Variants in RARB observed in about 807,000 individuals in gnomAD.
RARB encodes HBV-activated protein.
In RARB, 17 loss-of-function variants were observed where a neutral mutation model predicts 51.9. The ratio of observed to expected loss-of-function variants is 0.33; its 90% CI spans 0.22 to 0.49. The LOEUF is 0.49. RARB is among the 20% of genes least tolerant of loss of function. The pLI, the probability that RARB is intolerant of heterozygous loss-of-function variation, is 0.99. For synonymous variants in RARB, 215 were observed against 195.4 expected (o/e 1.10, Z -0.84); for missense variants, 369 against 550.8 (o/e 0.67, Z 3.30).
chr3:24,932,512 T>C (rs549640299), intron 2 of RARB, among the ~76,000 whole-genome samples: 1 of 152,296 alleles, frequency 6.6e-6, no homozygotes, highest in South Asian at 2.1e-4. Flanking sequence ...CTCATTAGTG[T>C]ACTCTACATA....
intron 2 of RARB, among the ~76,000 whole-genome samples, chr3:25,500,462 T>TTTG (rs1697252706): frequency 1.1e-5 from 1 of 94,730 alleles, no homozygotes; most frequent in African/African-American, 6.9e-5. Context: ...TTGTTTTTTT[T>TTTG]TTTTTTTTTT....
At chr3:25,509,650 G>A (rs1465189912) in intron 3 of RARB, among the ~76,000 whole-genome samples, 1 of 152,186 alleles carries the variant, frequency 6.6e-6, no homozygotes, top group East Asian at 1.9e-4. Context: ...TGTAATCAGA[G>A]AATGGGAGAG....
In RARB at chr3:24,963,492, G is replaced by GA. The variant is rs1313590161; in HGVS notation, c.-379-96628dup. On this transcript the variant is annotated intron_variant, in intron 2 of 11. Transcript: ENST00000383772. The stretch of plus-strand genomic sequence containing the variant: ...CTTTGGTCTTACTCTCGCCTCCCCT[G>GA]AAAAAGAGATTATTTTCCGTTACAT... 2.7e-5 allele frequency among the ~76,000 whole-genome samples: 4 copies of GA among 148,990 alleles called. No individual in the cohort carries two copies. The East Asian group carries it at 6.0e-4, about 22-fold the overall frequency.
At chr3:25,204,533 G>T (rs1490273072) in intron 5 of RARB, among the ~76,000 whole-genome samples, 3 of 152,160 alleles carry the variant, frequency 2.0e-5, no homozygotes, top group African/African-American at 7.2e-5. Flanking sequence ...TTTCTGCTCT[G>T]TTTTTTCCCC....
At chr3:25,479,569 A>T (rs554694490) in intron 2 of RARB, among the ~76,000 whole-genome samples, 73 of 152,318 alleles carry the variant, frequency 4.8e-4, no homozygotes, top group Middle Eastern at 3.4e-3. Flanking sequence ...GAAAGAATTG[A>T]ATTTCATGGA....
intron 4 of RARB, among the ~76,000 whole-genome samples, chr3:25,157,602 GACC>G (rs906864879): frequency 5.9e-5 from 9 of 151,946 alleles, no homozygotes; most frequent in African/African-American, 2.2e-4. Context: ...TCACCATGTT[GACC>G]AGGCTCGTCT....
intron 2 of RARB, among the ~76,000 whole-genome samples, chr3:24,910,253 A>G (rs77743430): frequency 0.074 from 11,187 of 152,172 alleles, 719 homozygotes; most frequent in African/African-American, 0.16. Context: ...CTGGCAAAAA[A>G]ACGTTGAATT....
In RARB at chr3:25,501,343, A is replaced by C. The variant is rs555417316; in HGVS notation, c.448+20A>C. On this transcript the variant is annotated intron_variant, in intron 3 of 7. Transcript: ENST00000330688. ...AAGAATGTAAGTGGAGTCTCAAAAA[A>C]CTTTTTCCCTGTTTTCCTTATCTCT... 1.9e-6 allele frequency: 3 copies of C among 1,605,392 alleles called. No homozygotes were observed. In the African/African-American group the frequency reaches 4.0e-5, roughly 22 times the overall value.
At chr3:25,103,163 C>G (rs1365253639) in intron 3 of RARB, among the ~76,000 whole-genome samples, 1 of 152,124 alleles carries the variant, frequency 6.6e-6, no homozygotes, top group African/African-American at 2.4e-5. Context: ...CTTCGTTCCC[C>G]TCTGTTCTGC....
At chr3:24,952,335 T>G (rs906539908) in intron 2 of RARB, among the ~76,000 whole-genome samples, 2 of 152,104 alleles carry the variant, frequency 1.3e-5, no homozygotes, top group African/African-American at 4.8e-5. Context: ...TTGAAGGAAT[T>G]TACCCCCAAC....
chr3:24,963,163 C>G (rs548955027), intron 2 of RARB, among the ~76,000 whole-genome samples: 1 of 152,084 alleles, frequency 6.6e-6, no homozygotes, highest in East Asian at 1.9e-4. Context: ...TGATGATGAT[C>G]TTTGTTTTTT....
intron 5 of RARB, among the ~76,000 whole-genome samples, chr3:25,291,838 C>A (rs946822455): frequency 6.6e-6 from 1 of 152,012 alleles, no homozygotes; most frequent in African/African-American, 2.4e-5. Context: ...AAATGGCTCT[C>A]AGAACAATGT....
intron 4 of RARB, among the ~76,000 whole-genome samples, chr3:25,570,604 A>G (rs1327087029): frequency 6.6e-6 from 1 of 152,186 alleles, no homozygotes; most frequent in Non-Finnish European, 1.5e-5. Context: ...ATAAAAAGGT[A>G]GGAGGTGTAT....
At chr3:25,570,545 C>A (rs1222515665) in intron 4 of RARB, among the ~76,000 whole-genome samples, 1 of 152,074 alleles carries the variant, frequency 6.6e-6, no homozygotes. Context: ...CTAGGAATGG[C>A]CTTTCACTGA....
rs34752259 is a variant in RARB, at chr3:25,471,598, G to GTT, written c.306+10268_306+10269dup. Among the ~76,000 whole-genome samples, 852 of 141,944 alleles carry GTT rather than the reference G, an allele frequency of 6.0e-3. 7 individuals carry two copies. The highest frequency in any genetic ancestry group is 0.018 in the African/African-American group (691 of 37,680). 93.1% of individuals were successfully genotyped at this position (141,944 alleles called of 152,430 possible). A position where few individuals can be genotyped will look rare whatever the true frequency, so the allele number is the denominator to read the frequency against. On this transcript the variant is annotated intron_variant, in intron 2 of 7. Coordinates refer to ENST00000330688, the MANE Select transcript of RARB (RefSeq NM_000965.5). ...TCTGAATTAGCCCGCAACTCTGCGT[G>GTT]TTTTTTTTTTTTCCTTGAGTTGGCG...
At chr3:24,976,414 C>A (rs768705456) in intron 2 of RARB, among the ~76,000 whole-genome samples, 2 of 152,224 alleles carry the variant, frequency 1.3e-5, no homozygotes, top group Non-Finnish European at 2.9e-5. Flanking sequence ...TGTTTCTCCA[C>A]ATCCTCTCCA....
At chr3:24,980,802 C>T (rs1293213333) in intron 2 of RARB, among the ~76,000 whole-genome samples, 1 of 152,078 alleles carries the variant, frequency 6.6e-6, no homozygotes, top group East Asian at 1.9e-4. Context: ...AGTTTTGTTC[C>T]CTTGCTGGAG....
intron 3 of RARB, among the ~76,000 whole-genome samples, chr3:25,553,339 G>C (rs920874996): frequency 8.5e-5 from 13 of 152,180 alleles, no homozygotes; most frequent in Non-Finnish European, 1.5e-4. Flanking sequence ...ATGATTGACA[G>C]GGGAGCAGAG....
intron 5 of RARB, among the ~76,000 whole-genome samples, chr3:25,392,659 G>T (rs1207078047): frequency 6.6e-6 from 1 of 151,838 alleles, no homozygotes; most frequent in Non-Finnish European, 1.5e-5. Flanking sequence ...TGCTGTAAAA[G>T]GGGTCGAGGT....
Sources: allele counts gnomAD v4.1 joint callset (sites outside exome capture counted in the v4.1 genomes callset), GRCh38; gene constraint gnomAD v4.1.1; transcripts MANE v1.5; gene names NCBI Gene and HGNC (gene_info 2026-07-23, HGNC 2026-07-21).